HEXB: variants seen among roughly 807,000 people sequenced by gnomAD.
HEXB encodes the protein hexosaminidase subunit beta, also known as beta-hexosaminidase subunit beta.
In HEXB, 51 loss-of-function variants were observed where a neutral mutation model predicts 71.2. That is an observed-to-expected ratio of 0.72 (90% CI 0.57 to 0.90). The LOEUF is 0.90. HEXB is among the 40% of genes least tolerant of loss of function. The pLI, the probability that HEXB is intolerant of heterozygous loss-of-function variation, is 0.00. For synonymous variants in HEXB, 266 were observed against 249.3 expected, an observed-to-expected ratio of 1.07 and a Z score of -0.63; for missense variants, 617 against 677.0, an observed-to-expected ratio of 0.91 and a Z score of 0.98.
intron 8 of HEXB, 26 bp downstream of exon 8, chr5:74,715,716 T>TAAAAAA: frequency 1.2e-5 from 14 of 1,205,946 alleles, no homozygotes; most frequent in Non-Finnish European, 1.4e-5. Flanking sequence ...AAAACCCCTT[T>TAAAAAA]AAAAAAAAAA....
At chr5:74,653,350 C>CA (rs1439341447) in intron 1 of HEXB, among the ~76,000 whole-genome samples, 5 of 152,176 alleles carry the variant, frequency 3.3e-5, no homozygotes, top group Non-Finnish European at 4.4e-5. Flanking sequence ...TAAAACACTA[C>CA]AAAAATACTA....
intron 1 of HEXB, among the ~76,000 whole-genome samples, chr5:74,664,033 A>G (rs1748381980): frequency 6.6e-6 from 1 of 152,124 alleles, no homozygotes; most frequent in Middle Eastern, 3.2e-3. Context: ...AGGCAGGTGG[A>G]TCACCTGAGG....
intron 6 of HEXB, among the ~76,000 whole-genome samples, chr5:74,708,479 A>G (rs1264028664): frequency 6.6e-6 from 1 of 150,414 alleles, no homozygotes; most frequent in Non-Finnish European, 1.5e-5. Context: ...TGCTCCAATT[A>G]AAAGACACAG....
At chr5:74,690,991 T>G (rs1561216054) in intron 2 of HEXB, among the ~76,000 whole-genome samples, 1 of 152,198 alleles carries the variant, frequency 6.6e-6, no homozygotes, top group South Asian at 2.1e-4. Context: ...AAGGAATCTT[T>G]GCTGTCCATT....
At chr5:74,674,483 C>T (rs978632658) in intron 1 of HEXB, among the ~76,000 whole-genome samples, 9 of 151,746 alleles carry the variant, frequency 5.9e-5, no homozygotes, top group Non-Finnish European at 8.8e-5. Context: ...AGGCGCCTGT[C>T]GTCCCAGCTG....
chr5:74,715,981 T>TACGACA (rs1454800768), intron 8 of HEXB, among the ~76,000 whole-genome samples: 5 of 129,146 alleles, frequency 3.9e-5, no homozygotes, highest in Non-Finnish European at 6.2e-5. Flanking sequence ...CATGCCACTG[T>TACGACA]ACTCCAGACT....
chr5:74,693,946 C>G (rs1019905966), intron 3 of HEXB, among the ~76,000 whole-genome samples: 1 of 152,144 alleles, frequency 6.6e-6, no homozygotes, highest in Non-Finnish European at 1.5e-5. Context: ...ATTGCCTGAG[C>G]TCAGAAGTCT....
chr5:74,640,963 AGCGGAC>A (rs1243028093), intron 1 of HEXB: 1 of 152,244 alleles, frequency 6.6e-6, no homozygotes, highest in Non-Finnish European at 1.5e-5. Context: ...AGAGAGACAA[AGCGGAC>A]GCACTGTCTC....
At chr5:74,720,868 T>G (rs1749823904) in intron 13 of HEXB, 121 bp downstream of exon 13, 2 of 896,546 alleles carry the variant, frequency 2.2e-6, no homozygotes, top group Non-Finnish European at 3.6e-6. Context: ...CAGGAATTAT[T>G]TTTTTGTAAG....
intron 1 of HEXB, among the ~76,000 whole-genome samples, chr5:74,656,587 GAC>G (rs1248955854): frequency 6.6e-6 from 1 of 152,068 alleles, no homozygotes; most frequent in Non-Finnish European, 1.5e-5. Context: ...CACATTGCAT[GAC>G]ACAGAGTGGA....
chr5:74,719,111 ACTAT>A (rs1180968925), intron 11 of HEXB, 140 bp downstream of exon 11: 3 of 760,026 alleles, frequency 3.9e-6, no homozygotes, highest in Middle Eastern at 2.3e-4. Context: ...TTACCTACCA[ACTAT>A]CTTTTATGTT....
chr5:74,675,409 C>T (rs1238674226), intron 1 of HEXB, among the ~76,000 whole-genome samples: 1 of 152,088 alleles, frequency 6.6e-6, no homozygotes, highest in Non-Finnish European at 1.5e-5. Context: ...CAGAGCCTGA[C>T]TAAAGTTTGG....
chr5:74,663,293 T>C (rs1228080960), intron 1 of HEXB, among the ~76,000 whole-genome samples: 1 of 152,106 alleles, frequency 6.6e-6, no homozygotes. Context: ...CAAGCTCAAA[T>C]GATTCTCCTG....
chr5:74,655,520 G>C (rs1032138081), intron 1 of HEXB, among the ~76,000 whole-genome samples: 1 of 151,812 alleles, frequency 6.6e-6, no homozygotes, highest in African/African-American at 2.4e-5. Context: ...ATTTTTAGTA[G>C]AGACAGGATT....
intron 1 of HEXB, among the ~76,000 whole-genome samples, chr5:74,660,782 G>A (rs1039057951): frequency 6.6e-6 from 1 of 152,088 alleles, no homozygotes; most frequent in Non-Finnish European, 1.5e-5. Context: ...AAATGTTCTA[G>A]TGCTCACAGA....
At chr5:74,643,603 C>G (rs1747947716) in intron 1 of HEXB, among the ~76,000 whole-genome samples, 1 of 152,182 alleles carries the variant, frequency 6.6e-6, no homozygotes, top group Non-Finnish European at 1.5e-5. Flanking sequence ...AGGCTTTGGG[C>G]TTGTTATCTC....
rs1457090194 is a variant in HEXB, at chr5:74,689,313, T to G, written c.300-15T>G. 6.2e-7 allele frequency: 1 copy of G among 1,607,876 alleles called. No individual in the cohort carries two copies. The highest frequency in any genetic ancestry group is 1.3e-5 in the African/African-American group (1 of 74,774). ...AAATCCTTCTAAAATGTGTTTACATTTATTTCTCAAACAGATATCATGGCT... is the reference window on the plus strand; with the variant it reads ...AAATCCTTCTAAAATGTGTTTACATGTATTTCTCAAACAGATATCATGGCT... On this transcript the variant is annotated splice_polypyrimidine_tract_variant and intron_variant, in intron 1 of 13. Coordinates refer to ENST00000261416, the MANE Select transcript of HEXB (RefSeq NM_000521.4).
chr5:74,690,285 T>G (rs1748967338), intron 2 of HEXB, among the ~76,000 whole-genome samples: 1 of 152,084 alleles, frequency 6.6e-6, no homozygotes, highest in Non-Finnish European at 1.5e-5. Context: ...CACCAAGGAA[T>G]CAAAGAAGGG....
chr5:74,655,044 C>A (rs555204408), intron 1 of HEXB, among the ~76,000 whole-genome samples: 1 of 152,218 alleles, frequency 6.6e-6, no homozygotes, highest in South Asian at 2.1e-4. Context: ...AGGGACCAGG[C>A]CATGGGAGCA....
Sources: gnomAD v4.1 joint callset for allele counts (sites outside exome capture counted in the v4.1 genomes callset) on GRCh38, gnomAD v4.1.1 for gene constraint, MANE v1.5 for transcripts, NCBI Gene and HGNC (gene_info 2026-07-23, HGNC 2026-07-21) for gene names.